Variants in OPCML observed in about 807,000 individuals in gnomAD.
OPCML encodes opioid-binding protein/cell adhesion molecule.
Under a neutral mutation model 37.8 loss-of-function variants are expected in OPCML, and 13 were observed. That is an observed-to-expected ratio of 0.34 (90% confidence interval 0.22 to 0.55). OPCML has a LOEUF of 0.55. Ranked by LOEUF, OPCML falls within the 20% of genes least tolerant of loss-of-function variation. OPCML has a pLI of 0.91. For missense variants in OPCML, 341 were observed against 435.6 expected, an observed-to-expected ratio of 0.78 and a Z score of 1.93; for synonymous variants, 176 against 168.8, an observed-to-expected ratio of 1.04 and a Z score of -0.33.
chr11:133,292,907 C>T (rs1056013761), intron 1 of OPCML, among the ~76,000 whole-genome samples: 4 of 152,014 alleles, frequency 2.6e-5, no homozygotes, highest in South Asian at 2.1e-4. Flanking sequence ...TGCTTTGGAC[C>T]GTGGGCTGGG....
At chr11:132,595,937 T>C (rs986614544) in intron 3 of OPCML, among the ~76,000 whole-genome samples, 1 of 152,230 alleles carries the variant, frequency 6.6e-6, no homozygotes, top group Non-Finnish European at 1.5e-5. Flanking sequence ...TTCTAACAGG[T>C]ACTTACCCTC....
intron 1 of OPCML, among the ~76,000 whole-genome samples, chr11:133,454,905 C>T (rs1236378045): frequency 1.3e-5 from 2 of 152,190 alleles, no homozygotes; most frequent in East Asian, 1.9e-4. Context: ...GAAAGACTGG[C>T]CTTTAAGAGT....
chr11:132,947,183 G>A (rs997887376), intron 1 of OPCML, among the ~76,000 whole-genome samples: 24 of 152,336 alleles, frequency 1.6e-4, no homozygotes, highest in Admixed American at 1.3e-3. Context: ...CTTGAGACAG[G>A]AAGAGTTATT....
chr11:133,232,175 G>T (rs1401714598), intron 1 of OPCML, among the ~76,000 whole-genome samples: 4 of 152,086 alleles, frequency 2.6e-5, no homozygotes, highest in South Asian at 2.1e-4. Flanking sequence ...CCCAGCCCCA[G>T]TGGCTCCCCA....
At chr11:132,690,677 T>C (rs572022338) in intron 2 of OPCML, among the ~76,000 whole-genome samples, 1 of 152,312 alleles carries the variant, frequency 6.6e-6, no homozygotes, top group African/African-American at 2.4e-5. Context: ...TGTACGTGTG[T>C]GTGCTCATGC....
At chr11:132,818,212 AT>A (rs1939742306) in intron 2 of OPCML, among the ~76,000 whole-genome samples, 2 of 152,214 alleles carry the variant, frequency 1.3e-5, no homozygotes, top group African/African-American at 4.8e-5. Flanking sequence ...CATTTCCTAG[AT>A]TTCAATTTTC....
At chr11:132,721,838 G>A (rs529208365) in intron 2 of OPCML, among the ~76,000 whole-genome samples, 63 of 151,994 alleles carry the variant, frequency 4.1e-4, no homozygotes, top group African/African-American at 1.5e-3. Context: ...AAAGGAGAGA[G>A]AGAAAGATCA....
At chr11:132,465,871 C>T (rs903198523) in intron 4 of OPCML, among the ~76,000 whole-genome samples, 1 of 151,944 alleles carries the variant, frequency 6.6e-6, no homozygotes, top group African/African-American at 2.4e-5. Flanking sequence ...AAAATAAAAC[C>T]AAGTTCTTTA....
At chr11:132,986,111 CT>C (rs1440646298) in intron 1 of OPCML, among the ~76,000 whole-genome samples, 1 of 151,984 alleles carries the variant, frequency 6.6e-6, no homozygotes, top group Non-Finnish European at 1.5e-5. Context: ...GCTCTGAAAA[CT>C]TTTTTTTACT....
Position 132,768,740 on chromosome 11 carries a change from G to A in OPCML, c.147-111421C>T, listed in dbSNP as rs143486310. On this transcript the variant is annotated intron_variant, in intron 2 of 7. Coordinates refer to ENST00000524381, the MANE Select transcript of OPCML (RefSeq NM_001012393.5). ...GCTGCTTGAATAAAAGAAGGAAAAC[G>A]AAGCATACACCCTCTGCTCTGAGTG... Among the ~76,000 whole-genome samples, 178 of 152,148 alleles carry A rather than the reference G, an allele frequency of 1.2e-3. 1 individual carries two copies. The highest frequency in any genetic ancestry group is 3.9e-3 in the African/African-American group (161 of 41,514).
intron 3 of OPCML, among the ~76,000 whole-genome samples, chr11:132,563,289 G>C (rs2096414660): frequency 6.6e-6 from 1 of 152,100 alleles, no homozygotes; most frequent in Non-Finnish European, 1.5e-5. Context: ...TATGCTGTGG[G>C]ACAAGACAGT....
At chr11:132,874,253 G>A (rs1942924620) in intron 2 of OPCML, among the ~76,000 whole-genome samples, 1 of 152,114 alleles carries the variant, frequency 6.6e-6, no homozygotes, top group African/African-American at 2.4e-5. Flanking sequence ...ATCAGAGCCT[G>A]GCTCAGTTGA....
intron 1 of OPCML, among the ~76,000 whole-genome samples, chr11:133,375,438 T>C (rs1231023467): frequency 6.6e-6 from 1 of 152,204 alleles, no homozygotes; most frequent in Non-Finnish European, 1.5e-5. Context: ...GCATGAGACA[T>C]TATTTCTTAC....
intron 1 of OPCML, among the ~76,000 whole-genome samples, chr11:133,312,567 T>C (rs1225182761): frequency 6.6e-6 from 1 of 152,194 alleles, no homozygotes; most frequent in Non-Finnish European, 1.5e-5. Flanking sequence ...TATAAATGAT[T>C]GATCAAAGAC....
intron 1 of OPCML, among the ~76,000 whole-genome samples, chr11:133,290,557 C>T (rs1244393819): frequency 6.6e-6 from 1 of 152,208 alleles, no homozygotes; most frequent in Non-Finnish European, 1.5e-5. Flanking sequence ...CATATAGGGC[C>T]ACCCTCCATA....
At chr11:133,046,695 G>A (rs373771739) in intron 1 of OPCML, among the ~76,000 whole-genome samples, 1 of 152,284 alleles carries the variant, frequency 6.6e-6, no homozygotes, top group East Asian at 1.9e-4. Flanking sequence ...TGGTTCACTT[G>A]TCCTACCCCC....
chr11:132,741,527 T>C (rs1484519670), intron 2 of OPCML, among the ~76,000 whole-genome samples: 2 of 152,124 alleles, frequency 1.3e-5, no homozygotes, highest in Non-Finnish European at 2.9e-5. Flanking sequence ...AGAATTGTTA[T>C]GAGAATTAAA....
At chr11:132,583,300 TG>T (rs1831189614) in intron 3 of OPCML, among the ~76,000 whole-genome samples, 1 of 152,038 alleles carries the variant, frequency 6.6e-6, no homozygotes, top group Non-Finnish European at 1.5e-5. Flanking sequence ...ATTTTTTGTT[TG>T]TTTGTTTGTT....
rs142506000 is a variant in OPCML, at chr11:132,453,409, G to A, written c.506-16050C>T. On this transcript the variant is annotated intron_variant, in intron 4 of 7. Transcript: ENST00000524381. ...TCTCCCACTAGAGAGAAGGAAGCTC[G>A]GTGACTACAAAGACCATCCATTTCA... is the stretch of plus-strand genomic sequence containing the variant. 3.7e-3 allele frequency among the ~76,000 whole-genome samples: 564 copies of A among 152,268 alleles called. 6 individuals are homozygous for A. The highest frequency in any genetic ancestry group is 0.012 in the African/African-American group (519 of 41,550).
Sources: allele counts gnomAD v4.1 joint callset (sites outside exome capture counted in the v4.1 genomes callset), GRCh38; gene constraint gnomAD v4.1.1; transcripts MANE v1.5; gene names NCBI Gene and HGNC (gene_info 2026-07-23, HGNC 2026-07-21).